The following BEND7 variants were observed in gnomAD, a reference collection of about 807,000 sequenced individuals.
BEND7 encodes BEN domain containing 7.
In BEND7, 28 loss-of-function variants were observed where a neutral mutation model predicts 50.9. The ratio of observed to expected loss-of-function variants is 0.55; its 90% confidence interval spans 0.41 to 0.75. BEND7 has a LOEUF of 0.75. Among genes scored for constraint, BEND7 ranks in the 30% least tolerant of loss-of-function variants. The pLI, the probability that BEND7 is intolerant of heterozygous loss-of-function variation, is 0.00. For missense variants in BEND7, 477 were observed against 491.3 expected, an observed-to-expected ratio of 0.97 and a Z score of 0.28; for synonymous variants, 170 against 183.9, an observed-to-expected ratio of 0.92 and a Z score of 0.61.
intron 2 of BEND7, among the ~76,000 whole-genome samples, chr10:13,523,877 A>C (rs1473931001): frequency 6.6e-6 from 1 of 152,224 alleles, no homozygotes; most frequent in African/African-American, 2.4e-5. Context: ...GGAACCAACT[A>C]CATGATGACC....
In BEND7 at chr10:13,441,212, G is replaced by T. The variant is rs554646588; in HGVS notation, c.*531C>A. 1 of 932,724 alleles carries T rather than the reference G, an allele frequency of 1.1e-6. No homozygotes were observed. The highest frequency in any genetic ancestry group is 1.8e-5 in the African/African-American group (1 of 56,198). 57.8% of individuals were successfully genotyped at this position (932,724 alleles called of 1,614,324 possible). On this transcript the variant is annotated 3_prime_UTR_variant, in exon 9 of 9. Coordinates refer to ENST00000466271, the MANE Select transcript of BEND7 (RefSeq NM_001369863.1). Reference sequence around the variant, plus strand: ...GGCTTGCATTGAATTCTTTTTTAAAGAACATAGTAATTTTAAAAAATCTAA... The same window carrying T: ...GGCTTGCATTGAATTCTTTTTTAAATAACATAGTAATTTTAAAAAATCTAA...
At chr10:13,439,223 C>T (rs149335647), downstream of BEND7, 5 of 1,613,956 alleles carry the variant, frequency 3.1e-6, no homozygotes, top group Non-Finnish European at 4.2e-6. Context: ...CTGAGCCTGG[C>T]GTGGGAAAGT....
intron 5 of BEND7, among the ~76,000 whole-genome samples, chr10:13,486,890 T>C (rs1385691219): frequency 6.6e-6 from 1 of 152,196 alleles, no homozygotes; most frequent in African/African-American, 2.4e-5. Flanking sequence ...ATGTACAATA[T>C]GTAAGAGTCT....
At chr10:13,489,769 C>T (rs953384766) in intron 5 of BEND7, among the ~76,000 whole-genome samples, 1 of 152,070 alleles carries the variant, frequency 6.6e-6, no homozygotes, top group Non-Finnish European at 1.5e-5. Context: ...AGAGGAGGAA[C>T]AGGAAAAAAC....
chr10:13,525,614 T>C (rs1404324363), intron 2 of BEND7, among the ~76,000 whole-genome samples: 1 of 152,208 alleles, frequency 6.6e-6, no homozygotes, highest in Non-Finnish European at 1.5e-5. Context: ...TTCCTTATGC[T>C]TTTTGACTGT....
intron 2 of BEND7, among the ~76,000 whole-genome samples, chr10:13,515,386 A>T (rs1033628018): frequency 6.6e-6 from 1 of 152,210 alleles, no homozygotes; most frequent in African/African-American, 2.4e-5. Flanking sequence ...TTCAGATATA[A>T]AATTTGATTT....
rs77139411 is a variant in BEND7, at chr10:13,506,340, C to T, written c.146-6260G>A. Among the ~76,000 whole-genome samples, 914 of 152,288 alleles carry T rather than the reference C, an allele frequency of 6.0e-3. 8 individuals carry two copies. The highest frequency in any genetic ancestry group is 0.021 in the African/African-American group (862 of 41,566). On this transcript the variant is annotated intron_variant, in intron 2 of 8. Coordinates refer to ENST00000466271, the MANE Select transcript of BEND7 (RefSeq NM_001369863.1). ...AGGCTGCAGAGGAGAACCTGGCTTT[C>T]CTCTTGCTCCCCGAAACACGGCTCT...
intron 7 of BEND7, among the ~76,000 whole-genome samples, chr10:13,449,644 T>C (rs1167057366): frequency 6.6e-6 from 1 of 152,248 alleles, no homozygotes; most frequent in Admixed American, 6.5e-5. Flanking sequence ...TTTACATGTA[T>C]AATTGCTTTT....
At position 13,441,443 on chromosome 10, in the gene BEND7, TCGCACAC is replaced by T; in HGVS notation, c.*293_*299del. On this transcript the variant is annotated 3_prime_UTR_variant, in exon 9 of 9. Transcript: ENST00000466271. ...TATTTCCAGTGTGTAGATCCGTTCA[TCGCACAC>T]ATCTTTGGGTTGAACAAGCTCCACC... The T allele has an allele frequency of 1.7e-6, 2 of 1,178,022 alleles. No homozygotes were observed. Among genetic ancestry groups the T allele is most frequent in the East Asian group, 3.7e-5 (1 of 26,890 alleles). The allele number at this position is 1,178,022 out of a possible 1,614,324, so 73.0% of individuals were successfully genotyped here. A position where few individuals can be genotyped will look rare whatever the true frequency, so the allele number is the denominator to read the frequency against.
chr10:13,488,358 C>T (rs992355408), intron 5 of BEND7, among the ~76,000 whole-genome samples: 9 of 151,832 alleles, frequency 5.9e-5, no homozygotes, highest in Non-Finnish European at 1.3e-4. Flanking sequence ...GTATATCTGC[C>T]CTGAAAAACA....
In BEND7 at chr10:13,447,250, A is replaced by T. The variant is rs770612406; in HGVS notation, c.1234+16T>A. 5 of 1,613,672 alleles carry T rather than the reference A, an allele frequency of 3.1e-6. No homozygotes were observed. Among genetic ancestry groups the T allele is most frequent in the African/African-American group, 1.3e-5 (1 of 74,898 alleles). On this transcript the variant is annotated intron_variant, in intron 8 of 8. Transcript: ENST00000466271. ...TTTTCCAGGAGGTGATGAAAATGTA[A>T]ATGCGTTTTATTTACCTGTTGGTGG... is the stretch of plus-strand genomic sequence containing the variant.
downstream of BEND7, chr10:13,439,467 G>C (rs1330526761): frequency 2.5e-6 from 4 of 1,612,604 alleles, no homozygotes; most frequent in South Asian, 4.4e-5. Flanking sequence ...ACTCCCACCC[G>C]GCAGAACAGT....
intron 2 of BEND7, among the ~76,000 whole-genome samples, chr10:13,514,518 T>G (rs2078514708): frequency 6.6e-6 from 1 of 152,130 alleles, no homozygotes; most frequent in Non-Finnish European, 1.5e-5. Flanking sequence ...TGTGGGAAAT[T>G]CAGTTGCCCC....
intron 8 of BEND7, chr10:13,443,104 T>C (rs984777070): frequency 1.1e-4 from 17 of 152,240 alleles, no homozygotes; most frequent in African/African-American, 4.1e-4. Context: ...CACTGAATCA[T>C]ATGCTGGACT....
intron 6 of BEND7, among the ~76,000 whole-genome samples, chr10:13,464,474 AC>A (rs1168454132): frequency 6.6e-6 from 1 of 152,214 alleles, no homozygotes; most frequent in Non-Finnish European, 1.5e-5. Context: ...AATAGGATTG[AC>A]GGGAACACAA....
chr10:13,491,212 C>T (rs182159113), intron 5 of BEND7, among the ~76,000 whole-genome samples: 3 of 150,380 alleles, frequency 2.0e-5, no homozygotes, highest in Non-Finnish European at 4.4e-5. Context: ...ACTCAGGAGG[C>T]TGAGGTAGGA....
chr10:13,447,536 C>CTTTTTTTTTT (rs11346528), intron 7 of BEND7, among the ~76,000 whole-genome samples: 2 of 86,088 alleles, frequency 2.3e-5, no homozygotes. Flanking sequence ...CGTATTAAAA[C>CTTTTTTTTTT]TTTTTTTTTT....
intron 5 of BEND7, among the ~76,000 whole-genome samples, chr10:13,488,315 A>G (rs2131902683): frequency 6.6e-6 from 1 of 151,504 alleles, no homozygotes; most frequent in African/African-American, 2.4e-5. Context: ...ACAAGAAACG[A>G]AAAGTAACAA....
upstream of BEND7, among the ~76,000 whole-genome samples, chr10:13,529,319 C>T (rs1215886464): frequency 3.3e-5 from 5 of 151,552 alleles, no homozygotes; most frequent in African/African-American, 7.3e-5. Context: ...ACTCCGTGCA[C>T]CTCGCCGTGG....
Sources: allele counts gnomAD v4.1 joint callset (sites outside exome capture counted in the v4.1 genomes callset), GRCh38; gene constraint gnomAD v4.1.1; transcripts MANE v1.5; gene names NCBI Gene and HGNC (gene_info 2026-07-23, HGNC 2026-07-21).